CPNE6: variants seen among roughly 807,000 people sequenced by gnomAD.
CPNE6 encodes copine-6.
In CPNE6, 33 loss-of-function variants were observed where a neutral mutation model predicts 71.5. That is an observed-to-expected ratio of 0.46 (90% CI 0.35 to 0.62). The LOEUF (loss-of-function observed/expected upper bound fraction) is 0.62, where lower values mean the gene tolerates loss of function less well. Among genes scored for constraint, CPNE6 ranks in the 20% least tolerant of loss-of-function variants. CPNE6 has a pLI of 0.00. For missense variants in CPNE6, 576 were observed against 747.3 expected (o/e 0.77, Z 2.67); for synonymous variants, 296 against 293.0 (o/e 1.01, Z -0.10).
chr14:24,074,381 T>G lies in CPNE6; in HGVS notation c.498+16T>G. On this transcript the variant is annotated intron_variant, in intron 6 of 17. Transcript: ENST00000397016. This position sits in a 1 kb window ranked among gnomAD's most constrained non-coding sequence, Gnocchi z 4.5. ...GGACAACAAGGTTGGAACCCCAGAG[T>G]CCAGGCCCCCAACTCCCCTGTCACT... is the stretch of plus-strand genomic sequence containing the variant. The G allele has an allele frequency of 6.4e-7, 1 of 1,550,854 alleles. No homozygotes were observed. The highest frequency in any genetic ancestry group is 8.7e-7 in the Non-Finnish European group (1 of 1,149,306).
intron 12 of CPNE6, 29 bp from the exon 12 acceptor site, chr14:24,076,331 C>T (rs772584380): frequency 1.7e-5 from 28 of 1,614,110 alleles, no homozygotes; most frequent in South Asian, 9.9e-5. Context: ...CCTTGCCCAA[C>T]GGATTCCACA....
rs753084828 is a variant in CPNE6 at position 24,076,601 on chromosome 14, A to C, written c.1165+44A>C. ...ACCTGCCCCGCCTCCCCGCAGACAC[A>C]CTCCACACAGGAGCACAGACTCCAC... is the stretch of plus-strand genomic sequence containing the variant. On this transcript the variant is annotated intron_variant, in intron 14 of 17. Coordinates refer to ENST00000397016, the Ensembl canonical transcript of CPNE6. 3.7e-6 allele frequency: 6 copies of C among 1,610,378 alleles called. No individual in the cohort carries two copies. The Admixed American group carries it at 1.0e-4, about 27-fold the overall frequency.
intron 1 of CPNE6, 42 bp from the exon 1 acceptor site, chr14:24,071,520 C>CCCCCCCCCCCCCCCCCAA: frequency 2.7e-6 from 4 of 1,488,056 alleles, no homozygotes; most frequent in Non-Finnish European, 1.8e-6. Context: ...CACCCCTCCC[C>CCCCCCCCCCCCCCCCCAA]ATCCAGGCCC....
Position 24,075,820 on chromosome 14 carries a change from C to T in CPNE6, c.865-7C>T. ...TCCCCTCGCCTTACCCCTCTCCCTA[C>T]CTCCAGGTGGAGAAGGTGCACACCT... On this transcript the variant is annotated splice_region_variant and splice_polypyrimidine_tract_variant and intron_variant, in intron 10 of 17. Coordinates refer to ENST00000397016, the Ensembl canonical transcript of CPNE6. This position sits in a 1 kb window ranked among gnomAD's most constrained non-coding sequence, Gnocchi z 4.3. 1.9e-6 allele frequency: 3 copies of T among 1,613,844 alleles called. No homozygotes were observed. The highest frequency in any genetic ancestry group is 1.7e-6 in the Non-Finnish European group (2 of 1,179,784).
At chr14:24,071,501 G>GCGCCCCCCCCC in intron 1 of CPNE6, 61 bp from the exon 1 acceptor site, 13 of 1,416,698 alleles carry the variant, frequency 9.2e-6, no homozygotes, top group Non-Finnish European at 1.1e-5. Context: ...CTGGTGCTGC[G>GCGCCCCCCCCC]CCCCCCCCCA....
intron 14 of CPNE6, 119 bp downstream of exon 13, chr14:24,076,676 T>A: frequency 2.7e-6 from 4 of 1,492,184 alleles, no homozygotes; most frequent in Non-Finnish European, 3.7e-6. Context: ...GGCCTGTCTT[T>A]ATCAGGTGAG....
chr14:24,077,052 G>T lies in CPNE6; in HGVS notation c.1299+40G>T. On this transcript the variant is annotated intron_variant, in intron 15 of 17. Transcript: ENST00000397016. This position sits in a 1 kb window ranked among gnomAD's most constrained non-coding sequence, Gnocchi z 6.1. Reference sequence around the variant, plus strand: ...CGGGCAAACAGGAGCTGTCCCATGTGTCTTTAAGTGGTGCCAGGGCCAGGG... The same window carrying T: ...CGGGCAAACAGGAGCTGTCCCATGTTTCTTTAAGTGGTGCCAGGGCCAGGG... The T allele has an allele frequency of 6.2e-7, 1 of 1,603,698 alleles. No individual in the cohort carries two copies.
Position 24,077,072 on chromosome 14 carries a change from C to T in CPNE6, c.1299+60C>T. ...CATGTGTCTTTAAGTGGTGCCAGGG[C>T]CAGGGTCTGCACCTTGGTGGAAACG... On this transcript the variant is annotated intron_variant, in intron 15 of 17. Coordinates refer to ENST00000397016, the Ensembl canonical transcript of CPNE6. The surrounding 1 kb of genome is among the most constrained non-coding windows in gnomAD (Gnocchi z 6.1). 1.2e-6 allele frequency: 2 copies of T among 1,600,334 alleles called. No individual in the cohort carries two copies. Among genetic ancestry groups the T allele is most frequent in the Admixed American group, 3.3e-5 (2 of 59,916 alleles).
chr14:24,077,785 C>T lies in CPNE6; in HGVS notation c.*37+18C>T, dbSNP rs1280649869. On this transcript the variant is annotated intron_variant, in intron 17 of 17. Coordinates refer to ENST00000397016, the Ensembl canonical transcript of CPNE6. This position sits in a 1 kb window ranked among gnomAD's most constrained non-coding sequence, Gnocchi z 6.1. Reference sequence around the variant, plus strand: ...GCCTCTCAGTGAGTCCTGGGGCTTCCAAAGGAGTGGACACAGGGGGTGCAA... The same window carrying T: ...GCCTCTCAGTGAGTCCTGGGGCTTCTAAAGGAGTGGACACAGGGGGTGCAA... 8.1e-6 allele frequency: 12 copies of T among 1,475,694 alleles called. No individual in the cohort carries two copies. Among genetic ancestry groups the T allele is most frequent in the Middle Eastern group, 1.8e-4 (1 of 5,412 alleles). 91.4% of individuals were successfully genotyped at this position (1,475,694 alleles called of 1,614,324 possible). A position where few individuals can be genotyped will look rare whatever the true frequency, so the allele number is the denominator to read the frequency against.
rs141172183 is a variant in CPNE6 at position 24,077,602 on chromosome 14, T to G, written c.1546T>G (p.Ser516Ala). Residue 516 changes from serine (S) to alanine (A), a missense_variant, in exon 17 of 18, where the codon TCT (serine) becomes GCT (alanine). Around this residue, in one of 4 missense-constraint regions of CPNE6, gnomAD observed 264 missense variants for 339.9 expected, o/e 0.78. Coordinates refer to ENST00000397016, the Ensembl canonical transcript of CPNE6. This position sits in a 1 kb window ranked among gnomAD's most constrained non-coding sequence, Gnocchi z 6.1. Reference sequence around the variant, plus strand: ...ACTGTCCCCACCCTAGGCTGCCCCCTCTGCACTCGCCAAGTGTGTCCTGGC... The same window carrying G: ...ACTGTCCCCACCCTAGGCTGCCCCCGCTGCACTCGCCAAGTGTGTCCTGGC... The G allele has an allele frequency of 2.9e-3, 4,658 of 1,583,332 alleles. 6 individuals carry two copies. Among genetic ancestry groups the G allele is most frequent in the Non-Finnish European group, 3.6e-3 (4,204 of 1,163,674 alleles).
chr14:24,077,306 C>A lies in CPNE6; in HGVS notation c.1452C>A (p.Gly484=), dbSNP rs200457089. 1.9e-6 allele frequency: 3 copies of A among 1,613,868 alleles called. No individual in the cohort carries two copies. The highest frequency in any genetic ancestry group is 2.5e-6 in the Non-Finnish European group (3 of 1,180,028). Residue 484 remains glycine, a synonymous_variant, in exon 16 of 18, where the codon GGC becomes GGA. Coordinates refer to ENST00000397016, the Ensembl canonical transcript of CPNE6. This position sits in a 1 kb window ranked among gnomAD's most constrained non-coding sequence, Gnocchi z 6.1. ...TCTCTGACATGCGGCTGCTGGATGG[C>A]GACGACGGCCCCTTGCGCTGCCCCC...
chr14:24,073,987 C>T lies in CPNE6; in HGVS notation c.349-64C>T. On this transcript the variant is annotated intron_variant, in intron 4 of 17. Coordinates refer to ENST00000397016, the Ensembl canonical transcript of CPNE6. The surrounding 1 kb of genome is among the most constrained non-coding windows in gnomAD (Gnocchi z 5.5). ...CACTCAGAGCATTTATTATTCCATC[C>T]CTTGTACGTGGCCAAGGCAGATGGG... 7.1e-7 allele frequency: 1 copy of T among 1,398,890 alleles called. No individual in the cohort carries two copies. Among genetic ancestry groups the T allele is most frequent in the African/African-American group, 1.4e-5 (1 of 70,638 alleles). The allele number at this position is 1,398,890 out of a possible 1,614,324, so 86.7% of individuals were successfully genotyped here. A position where few individuals can be genotyped will look rare whatever the true frequency, so the allele number is the denominator to read the frequency against.
At position 24,077,322 on chromosome 14, in the gene CPNE6, C is replaced by G; in HGVS notation, c.1468C>G (p.Arg490Gly). Residue 490 changes from arginine (R) to glycine (G), a missense_variant, in exon 16 of 18, where the codon CGC (arginine) becomes GGC (glycine). Transcript: ENST00000397016. This position sits in a 1 kb window ranked among gnomAD's most constrained non-coding sequence, Gnocchi z 6.1. ...GCTGGATGGCGACGACGGCCCCTTG[C>G]GCTGCCCCCGAGGGGTGCCTGCAGC... 3.7e-6 allele frequency: 6 copies of G among 1,613,834 alleles called. No individual in the cohort carries two copies. Among genetic ancestry groups the G allele is most frequent in the Non-Finnish European group, 5.1e-6 (6 of 1,179,998 alleles).
At position 24,074,696 on chromosome 14, in the gene CPNE6, C is replaced by T. The variant is rs2036003378; in HGVS notation, c.583-10C>T. On this transcript the variant is annotated splice_polypyrimidine_tract_variant and intron_variant, in intron 7 of 17. Coordinates refer to ENST00000397016, the Ensembl canonical transcript of CPNE6. This position sits in a 1 kb window ranked among gnomAD's most constrained non-coding sequence, Gnocchi z 4.5. ...ACAGGAGCTGACCAGCCACCTGGTGCCTCTCCAAGGTGGTGAAGAACAACC... is the reference window on the plus strand; with the variant it reads ...ACAGGAGCTGACCAGCCACCTGGTGTCTCTCCAAGGTGGTGAAGAACAACC... The T allele has an allele frequency of 6.2e-7, 1 of 1,613,692 alleles. No homozygotes were observed. Among genetic ancestry groups the T allele is most frequent in the Admixed American group, 1.7e-5 (1 of 60,024 alleles).
Position 24,075,137 on chromosome 14 carries a change from C to G in CPNE6, c.673-35C>G. The G allele has an allele frequency of 6.6e-7, 1 of 1,523,500 alleles. No individual in the cohort carries two copies. The allele number at this position is 1,523,500 out of a possible 1,614,324, so 94.4% of individuals were successfully genotyped here. The stretch of plus-strand genomic sequence containing the variant: ...TCACCGTGAATACCGCAGAGCATCT[C>G]CAACCTGACCCCACCCCTCCCCCTG... On this transcript the variant is annotated intron_variant, in intron 8 of 17. Transcript: ENST00000397016. This position sits in a 1 kb window ranked among gnomAD's most constrained non-coding sequence, Gnocchi z 4.3.
chr14:24,077,038 G>A lies in CPNE6; in HGVS notation c.1299+26G>A, dbSNP rs202069471. On this transcript the variant is annotated intron_variant, in intron 15 of 17. Coordinates refer to ENST00000397016, the Ensembl canonical transcript of CPNE6. The surrounding 1 kb of genome is among the most constrained non-coding windows in gnomAD (Gnocchi z 6.1). Reference sequence around the variant, plus strand: ...GTAGGAAGACATGGCGGGCAAACAGGAGCTGTCCCATGTGTCTTTAAGTGG... The same window carrying A: ...GTAGGAAGACATGGCGGGCAAACAGAAGCTGTCCCATGTGTCTTTAAGTGG... The A allele has an allele frequency of 5.2e-4, 842 of 1,606,402 alleles. 2 individuals carry two copies. The highest frequency in any genetic ancestry group is 6.3e-4 in the Non-Finnish European group (746 of 1,179,914).
At position 24,074,785 on chromosome 14, in the gene CPNE6, G is replaced by A. The variant is rs746012031; in HGVS notation, c.662G>A (p.Arg221Gln). ...TCCCTATGCAGCTGTGATGTTCACC[G>A]ACCTCTCAAGGTGAAGTCCCAGCCA... Residue 221 changes from arginine (R) to glutamine (Q), a missense_variant, in exon 8 of 18, where the codon CGA becomes CAA. Coordinates refer to ENST00000397016, the Ensembl canonical transcript of CPNE6. This position sits in a 1 kb window ranked among gnomAD's most constrained non-coding sequence, Gnocchi z 4.5. 20 of 1,612,044 alleles carry A rather than the reference G, an allele frequency of 1.2e-5. No homozygotes were observed. The highest frequency in any genetic ancestry group is 2.7e-5 in the African/African-American group (2 of 74,812).
intron 1 of CPNE6, 61 bp from the exon 1 acceptor site, chr14:24,071,501 G>GCCCCCCCCCCCC (rs372732697): frequency 6.5e-5 from 92 of 1,417,552 alleles, no homozygotes; most frequent in South Asian, 7.8e-5. Context: ...CTGGTGCTGC[G>GCCCCCCCCCCCC]CCCCCCCCCA....
Position 24,077,009 on chromosome 14 carries a change from C to T in CPNE6, c.1296C>T (p.Ala432=). ...AGCGGGAGCAGAGCACCGGCCAAGC[C>T]ACGGTAGGAAGACATGGCGGGCAAA... Residue 432 remains alanine, a synonymous_variant, in exon 15 of 18, where the codon GCC becomes GCT. Transcript: ENST00000397016. The surrounding 1 kb of genome is among the most constrained non-coding windows in gnomAD (Gnocchi z 6.1). 1 of 1,610,186 alleles carries T rather than the reference C, an allele frequency of 6.2e-7. No individual in the cohort carries two copies. Among genetic ancestry groups the T allele is most frequent in the Non-Finnish European group, 8.5e-7 (1 of 1,179,998 alleles).
Sources: gnomAD v4.1 joint callset for allele counts on GRCh38, gnomAD v4.1.1 for gene constraint, gnomAD v4.1.1 regional missense constraint, Gnocchi (gnomAD v3.1) non-coding constraint, MANE v1.5 for transcripts, NCBI Gene and HGNC (gene_info 2026-07-23, HGNC 2026-07-21) for gene names.